PRKG1: variants seen among roughly 807,000 people sequenced by gnomAD.
PRKG1 encodes cGMP-dependent protein kinase 1.
PRKG1 carries 35 observed loss-of-function variants against 88.1 expected under a neutral mutation model. The observed-to-expected ratio is 0.40, with a 90% CI of 0.30 to 0.53. PRKG1 has a LOEUF of 0.53. Ranked by LOEUF, PRKG1 falls within the 20% of genes least tolerant of loss-of-function variation. PRKG1 has a pLI of 0.59. For missense variants in PRKG1, 540 were observed against 839.8 expected (o/e 0.64, Z 4.41); for synonymous variants, 303 against 292.5 (o/e 1.04, Z -0.37).
chr10:51,991,809 T>A (rs956611731), intron 5 of PRKG1, among the ~76,000 whole-genome samples: 6 of 152,208 alleles, frequency 3.9e-5, no homozygotes, highest in Admixed American at 3.3e-4. Context: ...GTTCCAAGTC[T>A]TTGCTATTGT....
upstream of PRKG1, among the ~76,000 whole-genome samples, chr10:51,072,290 A>C (rs998896807): frequency 3.3e-5 from 5 of 152,172 alleles, no homozygotes; most frequent in African/African-American, 1.2e-4. Flanking sequence ...TCCTCTATAC[A>C]TTGTATCTGG....
chr10:51,109,473 A>G (rs1045596255), intron 1 of PRKG1, among the ~76,000 whole-genome samples: 7 of 152,134 alleles, frequency 4.6e-5, no homozygotes, highest in African/African-American at 7.2e-5. Flanking sequence ...CGCAAAGGCA[A>G]TTAAGTGAAA....
chr10:51,347,462 C>A (rs1842138589), intron 2 of PRKG1, among the ~76,000 whole-genome samples: 1 of 152,132 alleles, frequency 6.6e-6, no homozygotes, highest in African/African-American at 2.4e-5. Context: ...ATAACTTGAT[C>A]TTATGAATGA....
chr10:52,278,795 C>T (rs990489778), intron 12 of PRKG1, among the ~76,000 whole-genome samples: 5 of 150,490 alleles, frequency 3.3e-5, no homozygotes, highest in East Asian at 2.0e-4. Flanking sequence ...CCCAGCTACT[C>T]GGGAGGCTGA....
chr10:51,149,180 C>A (rs112648434), intron 1 of PRKG1, among the ~76,000 whole-genome samples: 1 of 152,258 alleles, frequency 6.6e-6, no homozygotes, highest in Non-Finnish European at 1.5e-5. Flanking sequence ...ATCTCATTGT[C>A]ATATAATCTT....
chr10:51,618,253 G>A (rs74762605), intron 3 of PRKG1, among the ~76,000 whole-genome samples: 201 of 152,242 alleles, frequency 1.3e-3, no homozygotes, highest in African/African-American at 4.5e-3. Context: ...GGGAAAACTG[G>A]TCTTTATTTT....
At chr10:52,205,169 C>A (rs902276101) in intron 9 of PRKG1, among the ~76,000 whole-genome samples, 1 of 152,108 alleles carries the variant, frequency 6.6e-6, no homozygotes, top group Non-Finnish European at 1.5e-5. Context: ...CCTGACAATG[C>A]GTGCACAGCA....
At chr10:51,128,500 T>C (rs2131932350) in intron 1 of PRKG1, among the ~76,000 whole-genome samples, 1 of 152,300 alleles carries the variant, frequency 6.6e-6, no homozygotes, top group Admixed American at 6.5e-5. Flanking sequence ...ACTAATGTTG[T>C]GTAGCTTTTA....
chr10:52,173,002 C>T (rs181233286), intron 9 of PRKG1, among the ~76,000 whole-genome samples: 17 of 152,292 alleles, frequency 1.1e-4, no homozygotes, highest in Admixed American at 1.1e-3. Flanking sequence ...TTAGAATGTG[C>T]ACATTAACAA....
intron 2 of PRKG1, among the ~76,000 whole-genome samples, chr10:51,399,546 T>C (rs1206749216): frequency 6.6e-6 from 1 of 152,232 alleles, no homozygotes. Flanking sequence ...TTGGTGAAGA[T>C]GGTGCCTTAT....
rs565748439 is a variant in PRKG1, at chr10:51,125,715, T to G, written c.312-27449T>G. Among the ~76,000 whole-genome samples the G allele has an allele frequency of 1.2e-4, 17 of 146,890 alleles. No homozygotes were observed. The South Asian group carries it at 3.4e-3, about 29-fold the overall frequency. ...AAAATTATTTATTTTTTAAATTATATAATTTAAATATAAATTATGTGTTTT... is the reference window on the plus strand; with the variant it reads ...AAAATTATTTATTTTTTAAATTATAGAATTTAAATATAAATTATGTGTTTT... On this transcript the variant is annotated intron_variant, in intron 1 of 17. Transcript: ENST00000373980.
chr10:51,360,899 G>T (rs1241545611), intron 2 of PRKG1, among the ~76,000 whole-genome samples: 2 of 151,732 alleles, frequency 1.3e-5, no homozygotes, highest in East Asian at 3.9e-4. Context: ...TCAAACCATG[G>T]TCTAGCAAAA....
chr10:51,501,588 C>T (rs1841025096), intron 3 of PRKG1, among the ~76,000 whole-genome samples: 1 of 152,096 alleles, frequency 6.6e-6, no homozygotes, highest in Admixed American at 6.6e-5. Context: ...TTGTACCAGC[C>T]ATGTTTGTGC....
At chr10:51,006,463 A>C (rs1317951725) in intron 1 of PRKG1, among the ~76,000 whole-genome samples, 1 of 152,138 alleles carries the variant, frequency 6.6e-6, no homozygotes, top group Non-Finnish European at 1.5e-5. Flanking sequence ...ATTGATTCTG[A>C]CTTCATTCAC....
intron 9 of PRKG1, among the ~76,000 whole-genome samples, chr10:52,208,669 A>G (rs1056126119): frequency 6.6e-6 from 1 of 152,194 alleles, no homozygotes; most frequent in Admixed American, 6.6e-5. Context: ...GAGAAAGGAA[A>G]TTGTAGAAAG....
intron 2 of PRKG1, among the ~76,000 whole-genome samples, chr10:51,164,121 C>G (rs977755036): frequency 6.6e-6 from 1 of 152,192 alleles, no homozygotes; most frequent in Non-Finnish European, 1.5e-5. Context: ...CCCTGACCCC[C>G]GAGCAGCCTA....
At chr10:52,174,484 A>T (rs1035385884) in intron 9 of PRKG1, among the ~76,000 whole-genome samples, 10 of 152,050 alleles carry the variant, frequency 6.6e-5, no homozygotes, top group Admixed American at 2.0e-4. Context: ...AGAGGGGAGC[A>T]GGGAGAGAAT....
Position 52,158,378 on chromosome 10 carries a change from C to A in PRKG1, c.1002-3511C>A, listed in dbSNP as rs117624436. Among the ~76,000 whole-genome samples, 570 of 151,626 alleles carry A rather than the reference C, an allele frequency of 3.8e-3. 2 individuals are homozygous for A. Among genetic ancestry groups the A allele is most frequent in the Non-Finnish European group, 6.5e-3 (442 of 67,608 alleles). On this transcript the variant is annotated intron_variant, in intron 8 of 17. Transcript: ENST00000373980. ...TAACTATTTAGAAAAGCATCTGATACCTATAGTAGTACTTTTCTGAATGTC... is the reference window on the plus strand; with the variant it reads ...TAACTATTTAGAAAAGCATCTGATAACTATAGTAGTACTTTTCTGAATGTC...
intron 2 of PRKG1, among the ~76,000 whole-genome samples, chr10:51,183,177 T>A (rs1238759262): frequency 6.6e-6 from 1 of 152,186 alleles, no homozygotes; most frequent in Non-Finnish European, 1.5e-5. Flanking sequence ...ACCAAAATAA[T>A]AATTATCCTG....
Sources: allele counts gnomAD v4.1 joint callset (sites outside exome capture counted in the v4.1 genomes callset), GRCh38; gene constraint gnomAD v4.1.1; transcripts MANE v1.5; gene names NCBI Gene and HGNC (gene_info 2026-07-23, HGNC 2026-07-21).